STARD13: variants seen among roughly 807,000 people sequenced by gnomAD.
The protein encoded by STARD13 is StAR related lipid transfer domain containing 13.
Under a neutral mutation model 106.4 loss-of-function variants are expected in STARD13, and 62 were observed. The ratio of observed to expected loss-of-function variants is 0.58; its 90% confidence interval spans 0.48 to 0.72. The LOEUF (loss-of-function observed/expected upper bound fraction) is 0.72. Ranked by LOEUF, STARD13 falls within the 30% of genes least tolerant of loss-of-function variation. The pLI, the probability that STARD13 is intolerant of heterozygous loss-of-function variation, is 0.00. For missense variants in STARD13, 1,387 were observed against 1,424.0 expected (o/e 0.97, Z 0.42); for synonymous variants, 565 against 553.0 (o/e 1.02, Z -0.31).
intron 8 of STARD13, among the ~76,000 whole-genome samples, chr13:33,114,941 C>T (rs962729699): frequency 6.6e-6 from 1 of 152,112 alleles, no homozygotes. Flanking sequence ...GGTCCTGCCC[C>T]TTTCCTGGCT....
the STARD13 span, among the ~76,000 whole-genome samples, chr13:33,389,247 C>T: frequency 1.3e-5 from 2 of 151,984 alleles, no homozygotes; most frequent in East Asian, 3.9e-4. Context: ...CTTGAGCCAC[C>T]GCACCCAGCC....
At chr13:33,608,890 T>A in the STARD13 span, among the ~76,000 whole-genome samples, 6 of 151,962 alleles carry the variant, frequency 3.9e-5, no homozygotes, top group African/African-American at 1.5e-4. Context: ...ATCTAGACCA[T>A]CCTGGCTAAC....
At chr13:33,667,749 T>A in the STARD13 span, among the ~76,000 whole-genome samples, 1 of 152,262 alleles carries the variant, frequency 6.6e-6, no homozygotes, top group Admixed American at 6.5e-5. Flanking sequence ...ACAATGTTTT[T>A]CATGTGGTCT....
At chr13:33,340,935 T>C (rs1017820201) in intron 1 of STARD13, among the ~76,000 whole-genome samples, 2 of 152,232 alleles carry the variant, frequency 1.3e-5, no homozygotes, top group Non-Finnish European at 2.9e-5. Context: ...CCTGCACTAC[T>C]GTCCCAACAT....
the STARD13 span, among the ~76,000 whole-genome samples, chr13:33,429,064 T>C: frequency 0.045 from 6,879 of 152,232 alleles, 503 homozygotes; most frequent in African/African-American, 0.15. Context: ...AACTCCTGTG[T>C]GCTGTTGATG....
intron 1 of STARD13, among the ~76,000 whole-genome samples, chr13:33,248,814 T>A (rs1426075015): frequency 6.6e-6 from 1 of 152,238 alleles, no homozygotes; most frequent in African/African-American, 2.4e-5. Flanking sequence ...CATAATATTT[T>A]AAATTATTAG....
the STARD13 span, among the ~76,000 whole-genome samples, chr13:33,533,744 C>T: frequency 1.3e-5 from 2 of 152,264 alleles, no homozygotes; most frequent in South Asian, 2.1e-4. Flanking sequence ...ATAAAACTTT[C>T]AAACACCTGA....
intron 3 of STARD13, among the ~76,000 whole-genome samples, chr13:33,163,960 G>A (rs1883045750): frequency 6.6e-6 from 1 of 151,900 alleles, no homozygotes. Flanking sequence ...ATCTGCTCCT[G>A]CTTGCTGTGT....
chr13:33,110,033 G>T lies in STARD13; in HGVS notation c.2887C>A (p.Pro963Thr), dbSNP rs188532172. The T allele has an allele frequency of 1.2e-6, 2 of 1,614,222 alleles. No individual in the cohort carries two copies. The highest frequency in any genetic ancestry group is 1.7e-5 in the Admixed American group (1 of 60,028). Reference sequence around the variant, plus strand: ...AGCACGCGGTTCAGGACCACTGAGGGGGGTGCTTCCACCTCCACAGAAGCC... The same window carrying T: ...AGCACGCGGTTCAGGACCACTGAGGTGGGTGCTTCCACCTCCACAGAAGCC... Reference protein sequence around the residue: ...WKASVEVEAPPSVVLNRVLRE... With the variant: ...WKASVEVEAPTSVVLNRVLRE... The change falls in exon 12 of 14, where the codon CCC (proline) becomes ACC (threonine). Residue 963 changes from proline to threonine, a missense_variant. Physicochemically the swap from Pro to Thr is conservative, Grantham distance 38. Transcript: ENST00000336934.
chr13:33,373,720 T>C, the STARD13 span, among the ~76,000 whole-genome samples: 2 of 151,920 alleles, frequency 1.3e-5, no homozygotes, highest in Non-Finnish European at 2.9e-5. Context: ...GGAAATATGA[T>C]TCAAAACTAC....
chr13:33,153,432 G>A (rs1881552727), intron 3 of STARD13, among the ~76,000 whole-genome samples: 1 of 152,186 alleles, frequency 6.6e-6, no homozygotes, highest in African/African-American at 2.4e-5. Context: ...TGCAGGAACG[G>A]AGGGACCAGG....
chr13:33,433,850 C>T, the STARD13 span, among the ~76,000 whole-genome samples: 4 of 152,070 alleles, frequency 2.6e-5, no homozygotes, highest in Non-Finnish European at 5.9e-5. Flanking sequence ...TTCTCTTCCC[C>T]CATTTGTGAT....
chr13:33,482,180 A>G, the STARD13 span, among the ~76,000 whole-genome samples: 79,038 of 151,852 alleles, frequency 0.52, 21,430 homozygotes, highest in African/African-American at 0.68. Context: ...TCAAAATAAT[A>G]TAGGTAAGGG....
At chr13:33,138,174 G>C (rs1879302801) in intron 4 of STARD13, among the ~76,000 whole-genome samples, 1 of 152,210 alleles carries the variant, frequency 6.6e-6, no homozygotes. Flanking sequence ...AGTCCCATGT[G>C]GATATGTGTC....
the STARD13 span, among the ~76,000 whole-genome samples, chr13:33,643,159 G>GCACA: frequency 0.19 from 26,395 of 139,520 alleles, 2,682 homozygotes; most frequent in Non-Finnish European, 0.25. Context: ...CATAGAACAT[G>GCACA]CACACACACA....
At chr13:33,181,773 A>T (rs1404274204) in intron 1 of STARD13, among the ~76,000 whole-genome samples, 1 of 152,162 alleles carries the variant, frequency 6.6e-6, no homozygotes, top group Non-Finnish European at 1.5e-5. Context: ...GGGGCATTTG[A>T]CATTGTCCTG....
chr13:33,669,686 C>G, the STARD13 span, among the ~76,000 whole-genome samples: 1 of 151,906 alleles, frequency 6.6e-6, no homozygotes, highest in African/African-American at 2.4e-5. Context: ...CAGGCACCTG[C>G]CACCGCACCC....
At chr13:33,291,926 AAGAAG>A (rs1892309500) in intron 1 of STARD13, among the ~76,000 whole-genome samples, 2 of 152,182 alleles carry the variant, frequency 1.3e-5, no homozygotes, top group African/African-American at 4.8e-5. Flanking sequence ...TTTTGAACTT[AAGAAG>A]AGGTCTTTAA....
intron 1 of STARD13, among the ~76,000 whole-genome samples, chr13:33,195,729 G>C (rs1315193733): frequency 1.3e-5 from 2 of 152,156 alleles, no homozygotes; most frequent in African/African-American, 4.8e-5. Flanking sequence ...CCTAAGTGAA[G>C]GAAGGCGGTA....
Sources: allele counts gnomAD v4.1 joint callset (sites outside exome capture counted in the v4.1 genomes callset), GRCh38; gene constraint gnomAD v4.1.1; transcripts MANE v1.5; gene names NCBI Gene and HGNC (gene_info 2026-07-23, HGNC 2026-07-21).